SNTG1: variants seen among roughly 807,000 people sequenced by gnomAD.
The protein encoded by SNTG1 is gamma-1-syntrophin.
A neutral mutation model predicts 74.7 loss-of-function variants in SNTG1; 39 were observed. The ratio of observed to expected loss-of-function variants is 0.52; its 90% CI spans 0.40 to 0.68. The LOEUF is 0.68. Among genes scored for constraint, SNTG1 ranks in the 30% least tolerant of loss-of-function variants. The pLI, the probability that SNTG1 is intolerant of heterozygous loss-of-function variation, is 0.00. For synonymous variants in SNTG1, 254 were observed against 217.1 expected (o/e 1.17, Z -1.49); for missense variants, 685 against 609.5 (o/e 1.12, Z -1.30).
At chr8:50,076,996 T>G (rs1486451871) in intron 1 of SNTG1, among the ~76,000 whole-genome samples, 1 of 152,196 alleles carries the variant, frequency 6.6e-6, no homozygotes, top group African/African-American at 2.4e-5. Flanking sequence ...GTACAATGGA[T>G]ACTATTTTTC....
intron 9 of SNTG1, among the ~76,000 whole-genome samples, chr8:50,521,273 T>TG (rs967122510): frequency 2.0e-5 from 3 of 151,924 alleles, no homozygotes; most frequent in Non-Finnish European, 4.4e-5. Context: ...TGATGGGGGC[T>TG]GGGGGTCTAG....
chr8:50,513,344 G>A (rs1284550109), intron 9 of SNTG1, among the ~76,000 whole-genome samples: 3 of 152,232 alleles, frequency 2.0e-5, no homozygotes, highest in Admixed American at 6.5e-5. Context: ...GTGCCTCTCA[G>A]TTAGGCTACT....
chr8:50,415,975 T>A (rs936109301), intron 4 of SNTG1, among the ~76,000 whole-genome samples: 3 of 152,136 alleles, frequency 2.0e-5, no homozygotes, highest in Non-Finnish European at 2.9e-5. Flanking sequence ...TGGAGAATGT[T>A]CTGAGTGTTC....
At chr8:50,321,794 CA>C (rs1260619803) in intron 2 of SNTG1, among the ~76,000 whole-genome samples, 1 of 152,024 alleles carries the variant, frequency 6.6e-6, no homozygotes, top group Non-Finnish European at 1.5e-5. Context: ...AACATATAAG[CA>C]AAAAGAAAAC....
At chr8:50,482,670 T>A (rs2093750754) in intron 8 of SNTG1, among the ~76,000 whole-genome samples, 1 of 152,204 alleles carries the variant, frequency 6.6e-6, no homozygotes, top group Non-Finnish European at 1.5e-5. Context: ...TCCCCGTTTC[T>A]ACACCATTGC....
chr8:49,949,675 A>G (rs916275470), intron 1 of SNTG1, among the ~76,000 whole-genome samples: 2 of 152,240 alleles, frequency 1.3e-5, no homozygotes, highest in Admixed American at 1.3e-4. Context: ...AGAGACATCT[A>G]AATTCCATGT....
chr8:50,640,778 C>G (rs1200926649), intron 13 of SNTG1, among the ~76,000 whole-genome samples: 2 of 152,066 alleles, frequency 1.3e-5, no homozygotes, highest in Non-Finnish European at 2.9e-5. Flanking sequence ...ATGTTCAAAC[C>G]CCACACCTTG....
intron 1 of SNTG1, among the ~76,000 whole-genome samples, chr8:50,130,649 T>C (rs2081287083): frequency 6.6e-6 from 1 of 152,058 alleles, no homozygotes; most frequent in Non-Finnish European, 1.5e-5. Flanking sequence ...ACCTTTGAAA[T>C]TTGCGTTAAA....
chr8:50,573,084 T>C (rs1278071425), intron 12 of SNTG1, among the ~76,000 whole-genome samples: 3 of 152,110 alleles, frequency 2.0e-5, no homozygotes, highest in African/African-American at 7.2e-5. Flanking sequence ...TATAAGATCT[T>C]TGATTAAACT....
At chr8:50,783,548 G>A (rs1401039898) in intron 18 of SNTG1, among the ~76,000 whole-genome samples, 1 of 152,220 alleles carries the variant, frequency 6.6e-6, no homozygotes, top group African/African-American at 2.4e-5. Context: ...AAGCCCGTGG[G>A]AAAAGCACAG....
chr8:50,387,888 C>G (rs1276812619), intron 2 of SNTG1, among the ~76,000 whole-genome samples: 1 of 152,150 alleles, frequency 6.6e-6, no homozygotes, highest in Non-Finnish European at 1.5e-5. Context: ...AAGGCTATCA[C>G]TCTACCACCA....
intron 5 of SNTG1, among the ~76,000 whole-genome samples, chr8:50,448,438 T>G (rs571520030): frequency 2.0e-4 from 30 of 152,256 alleles, no homozygotes; most frequent in African/African-American, 6.0e-4. Context: ...TCCAAAATAA[T>G]TTTTTATACT....
At chr8:50,301,350 T>C (rs1342122113) in intron 2 of SNTG1, among the ~76,000 whole-genome samples, 1 of 152,162 alleles carries the variant, frequency 6.6e-6, no homozygotes, top group Non-Finnish European at 1.5e-5. Context: ...ATATATACTA[T>C]AACCCTATAG....
chr8:50,509,771 C>A (rs979487340), intron 9 of SNTG1, among the ~76,000 whole-genome samples: 12 of 152,022 alleles, frequency 7.9e-5, no homozygotes, highest in African/African-American at 2.7e-4. Context: ...GATTTTGTAT[C>A]CTGAGACTTT....
intron 1 of SNTG1, among the ~76,000 whole-genome samples, chr8:50,013,957 A>G (rs1425798363): frequency 6.6e-6 from 1 of 152,166 alleles, no homozygotes; most frequent in Non-Finnish European, 1.5e-5. Flanking sequence ...TGAAACATCA[A>G]AAATACAACA....
At chr8:50,219,042 A>G (rs1175545100) in intron 2 of SNTG1, among the ~76,000 whole-genome samples, 2 of 152,196 alleles carry the variant, frequency 1.3e-5, no homozygotes, top group Admixed American at 6.5e-5. Flanking sequence ...CCAAAAGGTG[A>G]TTTTCTCTAG....
chr8:50,692,644 G>A (rs1358168969), intron 15 of SNTG1, among the ~76,000 whole-genome samples: 1 of 152,266 alleles, frequency 6.6e-6, no homozygotes, highest in East Asian at 1.9e-4. Context: ...GCCATGTGAG[G>A]TATCGGTCCA....
chr8:50,042,676 C>A (rs914887699), intron 1 of SNTG1, among the ~76,000 whole-genome samples: 4 of 152,064 alleles, frequency 2.6e-5, no homozygotes, highest in Non-Finnish European at 5.9e-5. Flanking sequence ...CCTAGCCCAG[C>A]CTCTCAAGTA....
intron 2 of SNTG1, among the ~76,000 whole-genome samples, chr8:50,387,181 C>T (rs2092588529): frequency 6.6e-6 from 1 of 152,146 alleles, no homozygotes. Context: ...TTTGTCTTTG[C>T]CACTTGGGCC....
Sources: allele counts gnomAD v4.1 joint callset (sites outside exome capture counted in the v4.1 genomes callset), GRCh38; gene constraint gnomAD v4.1.1; transcripts MANE v1.5; gene names NCBI Gene and HGNC (gene_info 2026-07-23, HGNC 2026-07-21).